Variants in TMEM135 observed in about 807,000 individuals in gnomAD.
The protein encoded by TMEM135 is transmembrane protein 135.
A neutral mutation model predicts 60.3 loss-of-function variants in TMEM135; 30 were observed. The ratio of observed to expected loss-of-function variants is 0.50; its 90% CI spans 0.37 to 0.68. TMEM135 has a LOEUF of 0.68. Ranked by LOEUF, TMEM135 falls within the 30% of genes least tolerant of loss-of-function variation. TMEM135 has a pLI of 0.00. For synonymous variants in TMEM135, 190 were observed against 186.7 expected (o/e 1.02, Z -0.14); for missense variants, 468 against 548.8 (o/e 0.85, Z 1.47).
intron 5 of TMEM135, among the ~76,000 whole-genome samples, chr11:87,187,715 C>A (rs1447006218): frequency 6.6e-6 from 1 of 152,170 alleles, no homozygotes; most frequent in Non-Finnish European, 1.5e-5. Flanking sequence ...TATTTTATAA[C>A]TTCAAATCTT....
chr11:87,148,063 TA>T (rs1323146291), intron 4 of TMEM135, among the ~76,000 whole-genome samples: 1 of 152,204 alleles, frequency 6.6e-6, no homozygotes, highest in Non-Finnish European at 1.5e-5. Flanking sequence ...GCTGTTAACT[TA>T]TTTTTAAACA....
At chr11:87,272,046 CTTTTCT>C (rs1206544027) in intron 6 of TMEM135, among the ~76,000 whole-genome samples, 2,811 of 69,604 alleles carry the variant, frequency 0.04, 109 homozygotes, top group African/African-American at 0.092. Flanking sequence ...CTTTCTTTTT[CTTTTCT>C]TTTTTTTTTT....
chr11:87,155,648 C>T lies in TMEM135; in HGVS notation c.397-1693C>T, dbSNP rs1232220132. ...ATCCATCTCCCTGTGGAATTTGGGG[C>T]TAGAGTTTTGAAGGCTTTTGGAGTG... On this transcript the variant is annotated intron_variant, in intron 4 of 14. Coordinates refer to ENST00000305494, the MANE Select transcript of TMEM135 (RefSeq NM_022918.4). Among the ~76,000 whole-genome samples, 3 of 152,198 alleles carry T rather than the reference C, an allele frequency of 2.0e-5. No individual in the cohort carries two copies. In the East Asian group the frequency reaches 5.8e-4, roughly 29 times the overall value.
chr11:87,074,030 A>T (rs1369809150), intron 3 of TMEM135, among the ~76,000 whole-genome samples: 1 of 152,030 alleles, frequency 6.6e-6, no homozygotes, highest in Non-Finnish European at 1.5e-5. Context: ...TAGTGGCTTG[A>T]TTTTGGTTCA....
At chr11:87,115,442 A>G (rs2445558) in intron 4 of TMEM135, among the ~76,000 whole-genome samples, 110,776 of 151,984 alleles carry the variant, frequency 0.73, 40,920 homozygotes, top group East Asian at 0.89. Flanking sequence ...CAGAGCTATG[A>G]TTTCCCCCTA....
intron 4 of TMEM135, among the ~76,000 whole-genome samples, chr11:87,102,447 A>G (rs928927026): frequency 5.3e-5 from 8 of 152,160 alleles, no homozygotes; most frequent in Non-Finnish European, 1.2e-4. Flanking sequence ...ATGAATATAT[A>G]GGAACTGGAA....
chr11:87,122,437 A>ATTTTTATTTATT lies in TMEM135; in HGVS notation c.396+31043_396+31044insTTTTATTTATTT, dbSNP rs765586434. 2.5e-3 allele frequency among the ~76,000 whole-genome samples: 358 copies of ATTTTTATTTATT among 144,944 alleles called. 3 individuals carry two copies. Among genetic ancestry groups the ATTTTTATTTATT allele is most frequent in the African/African-American group, 2.5e-3 (100 of 39,550 alleles). ...TTTGTTCATTTATCATTTAGTTTTT[A>ATTTTTATTTATT]TATTTATTTATTTATTTATTTATTT... On this transcript the variant is annotated intron_variant, in intron 4 of 14. Transcript: ENST00000305494.
intron 6 of TMEM135, among the ~76,000 whole-genome samples, chr11:87,294,470 G>GC (rs749289186): frequency 1.3e-5 from 2 of 152,030 alleles, no homozygotes; most frequent in Non-Finnish European, 2.9e-5. Context: ...TGCAACCTCC[G>GC]CCCCCCGGGT....
rs568537988 is a variant in TMEM135, at chr11:87,165,772, A to G, written c.462+8366A>G. Among the ~76,000 whole-genome samples, 289 of 151,124 alleles carry G rather than the reference A, an allele frequency of 1.9e-3. 12 individuals carry two copies. The highest frequency in any genetic ancestry group is 6.7e-3 in the African/African-American group (272 of 40,780). ...GAACTGAAGGAAATAGAGACACAAA[A>G]AACCCTTCAAAAAGTAAATGAATCC... On this transcript the variant is annotated intron_variant, in intron 5 of 14. Coordinates refer to ENST00000305494, the MANE Select transcript of TMEM135 (RefSeq NM_022918.4).
chr11:87,319,474 T>G, intron 14 of TMEM135, 97 bp downstream of exon 14: 1 of 868,432 alleles, frequency 1.2e-6, no homozygotes, highest in Non-Finnish European at 1.8e-6. Context: ...TATATATAAA[T>G]AAAATATGAG....
At chr11:87,295,881 T>C in intron 7 of TMEM135, 58 bp downstream of exon 7, 2 of 1,360,956 alleles carry the variant, frequency 1.5e-6, no homozygotes, top group Non-Finnish European at 1.0e-6. Flanking sequence ...TAAAAAATTA[T>C]ACATAATTAC....
chr11:87,178,657 C>T (rs1427301402), intron 5 of TMEM135: 1 of 368,604 alleles, frequency 2.7e-6, no homozygotes, highest in Non-Finnish European at 5.4e-6. Flanking sequence ...AACTCCTGAC[C>T]TCAAGTGATC....
intron 6 of TMEM135, among the ~76,000 whole-genome samples, chr11:87,272,446 C>G (rs1476441449): frequency 2.0e-5 from 3 of 151,706 alleles, no homozygotes; most frequent in African/African-American, 2.4e-5. Context: ...TGTGATGATT[C>G]TTAAAAAAGT....
At chr11:87,103,452 T>G (rs1373489652) in intron 4 of TMEM135, among the ~76,000 whole-genome samples, 1 of 151,780 alleles carries the variant, frequency 6.6e-6, no homozygotes, top group Non-Finnish European at 1.5e-5. Flanking sequence ...TGAGCATTTT[T>G]AAATGTGTGT....
At chr11:87,272,423 C>G (rs530489784) in intron 6 of TMEM135, among the ~76,000 whole-genome samples, 10 of 152,054 alleles carry the variant, frequency 6.6e-5, no homozygotes, top group African/African-American at 2.4e-4. Flanking sequence ...GTGAACCTTT[C>G]TAGTCTCAGC....
At chr11:87,122,104 A>AT (rs879865177) in intron 4 of TMEM135, among the ~76,000 whole-genome samples, 11 of 152,070 alleles carry the variant, frequency 7.2e-5, no homozygotes, top group Non-Finnish European at 1.3e-4. Context: ...ATTTTAAATC[A>AT]TTTTTTTCAA....
At chr11:87,192,520 T>G (rs1939834200) in intron 5 of TMEM135, among the ~76,000 whole-genome samples, 1 of 152,196 alleles carries the variant, frequency 6.6e-6, no homozygotes, top group African/African-American at 2.4e-5. Context: ...TACCCATGTT[T>G]GTGTTTTAAC....
chr11:87,207,177 A>G (rs750355230), intron 5 of TMEM135, among the ~76,000 whole-genome samples: 4 of 152,100 alleles, frequency 2.6e-5, no homozygotes, highest in Non-Finnish European at 5.9e-5. Flanking sequence ...GGAACATGCA[A>G]CTCAGATATA....
intron 5 of TMEM135, among the ~76,000 whole-genome samples, chr11:87,166,892 G>A (rs1939066295): frequency 6.6e-6 from 1 of 152,018 alleles, no homozygotes; most frequent in African/African-American, 2.4e-5. Context: ...AAATTACTTT[G>A]GGCAATATGG....
Sources: allele counts gnomAD v4.1 joint callset (sites outside exome capture counted in the v4.1 genomes callset), GRCh38; gene constraint gnomAD v4.1.1; transcripts MANE v1.5; gene names NCBI Gene and HGNC (gene_info 2026-07-23, HGNC 2026-07-21).